Variants in ASMTL observed in about 807,000 individuals in gnomAD.
ASMTL encodes acetylserotonin O-methyltransferase like.
In ASMTL, 57 loss-of-function variants were observed where a neutral mutation model predicts 60.3. That is an observed-to-expected ratio of 0.95 (90% CI 0.76 to 1.18). The LOEUF (loss-of-function observed/expected upper bound fraction) is 1.18, where lower values mean the gene tolerates loss of function less well. Ranked by LOEUF, ASMTL falls within the 50% of genes most tolerant of loss-of-function variation. The pLI, the probability that ASMTL is intolerant of heterozygous loss-of-function variation, is 0.00. For missense variants in ASMTL, 981 were observed against 852.6 expected (o/e 1.15, Z -1.88); for synonymous variants, 419 against 373.0 (o/e 1.12, Z -1.42).
chrX:1,435,693 C>T lies in ASMTL; in HGVS notation c.338+1G>A. 6.2e-7 allele frequency: 1 copy of T among 1,613,592 alleles called. No individual in the cohort carries two copies. Among genetic ancestry groups the T allele is most frequent in the Non-Finnish European group, 8.5e-7 (1 of 1,179,820 alleles). ...GGCTCAGAGGCCAACATGGTGCTTA[C>T]CGGGACAGCATCCTGTAGGCGTCCT... is the stretch of plus-strand genomic sequence containing the variant. On this transcript the variant is annotated splice_donor_variant, in intron 4 of 12. Coordinates refer to ENST00000381317, the MANE Select transcript of ASMTL (RefSeq NM_004192.4). LOFTEE classifies it high-confidence loss of function.
chrX:1,428,204 T>C (rs1365203936), intron 6 of ASMTL, 83 bp from the exon 7 acceptor site: 47 of 1,489,982 alleles, frequency 3.2e-5, no homozygotes, highest in Non-Finnish European at 4.0e-5. Flanking sequence ...GAGGCGGAGG[T>C]GGGTGGATCA....
chrX:1,439,298 A>T (rs1421969846), intron 2 of ASMTL, 154 bp from the exon 3 acceptor site: 3 of 213,956 alleles, frequency 1.4e-5, no homozygotes, highest in Non-Finnish European at 2.4e-5. Flanking sequence ...ACGAGCAAGG[A>T]CACAAGTGGG....
At chrX:1,407,579 C>G (rs1410244993) in intron 12 of ASMTL, among the ~76,000 whole-genome samples, 2 of 151,932 alleles carry the variant, frequency 1.3e-5, no homozygotes, top group Admixed American at 6.6e-5. Flanking sequence ...AGACAGATGA[C>G]AGGTGACGGA....
chrX:1,421,791 T>C lies in ASMTL; in HGVS notation c.1112A>G (p.Tyr371Cys). 9.3e-6 allele frequency: 15 copies of C among 1,613,518 alleles called. No homozygotes were observed. Among genetic ancestry groups the C allele is most frequent in the Non-Finnish European group, 1.3e-5 (15 of 1,179,754 alleles). Residue 371 changes from tyrosine (Y) to cysteine (C), a missense_variant, in exon 9 of 13, where the codon TAC (tyrosine) becomes TGC (cysteine). By Grantham distance (194) the Tyr-to-Cys change is radical. Transcript: ENST00000381317. ...ANVYLASDGE[Y>C]SLHGFIMHNN... The stretch of plus-strand genomic sequence containing the variant: ...GTGCATGATGAAGCCGTGCAGAGAG[T>C]ATTCGCCATCCGATGCCAGGTAGAC...
In ASMTL at chrX:1,410,496, C is replaced by A. The variant is rs373396937; in HGVS notation, c.1645+2236G>T. 4.1e-4 allele frequency among the ~76,000 whole-genome samples: 63 copies of A among 152,008 alleles called. 1 individual carries two copies. The highest frequency in any genetic ancestry group is 1.3e-3 in the African/African-American group (55 of 41,480). ...GTGGCGCGATCTCTGCTCACTGCAA[C>A]CTTCGCCTCCCAGGTTCAAGTGATG... On this transcript the variant is annotated intron_variant, in intron 12 of 12. Coordinates refer to ENST00000381317, the MANE Select transcript of ASMTL (RefSeq NM_004192.4).
At chrX:1,448,330 C>G (rs1324323256) in intron 1 of ASMTL, among the ~76,000 whole-genome samples, 2 of 151,134 alleles carry the variant, frequency 1.3e-5, no homozygotes, top group Non-Finnish European at 2.9e-5. Flanking sequence ...CACACACCAT[C>G]TGGGACACAC....
intron 1 of ASMTL, among the ~76,000 whole-genome samples, chrX:1,450,362 C>T (rs2091329759): frequency 6.6e-6 from 1 of 151,852 alleles, no homozygotes; most frequent in Non-Finnish European, 1.5e-5. Context: ...AGGGCCCACT[C>T]CATCCCTAGA....
intron 5 of ASMTL, 108 bp from the exon 6 acceptor site, chrX:1,432,485 A>G (rs763089775): frequency 8.9e-6 from 7 of 783,402 alleles, no homozygotes; most frequent in African/African-American, 8.5e-5. Flanking sequence ...CGCAGCGCAC[A>G]GTTCAGATAT....
At chrX:1,436,637 C>G (rs1391018766) in intron 3 of ASMTL, among the ~76,000 whole-genome samples, 3 of 152,198 alleles carry the variant, frequency 2.0e-5, no homozygotes, top group Non-Finnish European at 4.4e-5. Flanking sequence ...CAGGGGTGAG[C>G]CACCGCACCC....
chrX:1,417,350 C>T (rs2090326022), intron 11 of ASMTL, among the ~76,000 whole-genome samples: 1 of 151,870 alleles, frequency 6.6e-6, no homozygotes, highest in South Asian at 2.1e-4. Context: ...CACGGATGCA[C>T]ACACATCACC....
rs751995475 is a variant in ASMTL at position 1,432,210 on chromosome X, G to C, written c.509+59C>G. 21 of 1,390,850 alleles carry C rather than the reference G, an allele frequency of 1.5e-5. No individual in the cohort carries two copies. The South Asian group carries it at 2.5e-4, about 17-fold the overall frequency. The allele number at this position is 1,390,850 out of a possible 1,614,324, so 86.2% of individuals were successfully genotyped here. ...AAAGGCTGGGTGGGACACCCCACGT[G>C]TGAGGGTGGCCAGGCTTCCACACGT... On this transcript the variant is annotated intron_variant, in intron 6 of 12. Transcript: ENST00000381317.
intron 3 of ASMTL, among the ~76,000 whole-genome samples, chrX:1,437,758 G>A (rs1159928262): frequency 6.6e-6 from 1 of 151,184 alleles, no homozygotes; most frequent in Non-Finnish European, 1.5e-5. Context: ...TTAGCCACAC[G>A]TGGTCGCGCG....
At chrX:1,430,856 A>G (rs1372079254) in intron 6 of ASMTL, among the ~76,000 whole-genome samples, 1 of 144,770 alleles carries the variant, frequency 6.9e-6, no homozygotes, top group Non-Finnish European at 1.5e-5. Flanking sequence ...ATATTTATAT[A>G]TTTATATACT....
At chrX:1,406,918 G>A (rs2089874041) in intron 12 of ASMTL, among the ~76,000 whole-genome samples, 1 of 149,670 alleles carries the variant, frequency 6.7e-6, no homozygotes, top group South Asian at 2.1e-4. Context: ...ATAGATAGAT[G>A]AATAGATGGA....
At chrX:1,453,192 C>T (rs1302052677), upstream of ASMTL, among the ~76,000 whole-genome samples, 5 of 150,462 alleles carry the variant, frequency 3.3e-5, no homozygotes, top group Admixed American at 6.6e-5. Flanking sequence ...ACCTCCATTG[C>T]CCTCTCCGCC....
At chrX:1,404,106 T>C (rs1335021385) in intron 12 of ASMTL, among the ~76,000 whole-genome samples, 1 of 151,298 alleles carries the variant, frequency 6.6e-6, no homozygotes, top group Non-Finnish European at 1.5e-5. Flanking sequence ...GGAAGATGAA[T>C]AGATGGGTGC....
chrX:1,444,702 T>C (rs1400232476), intron 1 of ASMTL, among the ~76,000 whole-genome samples: 1 of 152,036 alleles, frequency 6.6e-6, no homozygotes, highest in African/African-American at 2.4e-5. Context: ...CCTCTTTGAG[T>C]GTTGGGAGTG....
Position 1,427,998 on chromosome X carries a change from G to A in ASMTL, c.633C>T (p.Leu211=). The change falls in exon 7 of 13, where the codon CTC becomes CTT. Residue 211 remains leucine (L), a synonymous_variant. Coordinates refer to ENST00000381317, the MANE Select transcript of ASMTL (RefSeq NM_004192.4). ...GGTCCTCCGGACGGGGCGGGTAGTA[G>A]AGCTTCACCAGCTGCTTGCAGAAGT... ...LNHFCKQLVK[L]YYPPRPEDLR... 1 of 1,613,598 alleles carries A rather than the reference G, an allele frequency of 6.2e-7. No individual in the cohort carries two copies. Among genetic ancestry groups the A allele is most frequent in the South Asian group, 1.1e-5 (1 of 91,038 alleles).
At chrX:1,446,875 C>A (rs1303272145) in intron 1 of ASMTL, among the ~76,000 whole-genome samples, 6 of 152,160 alleles carry the variant, frequency 3.9e-5, no homozygotes. Context: ...TTACCCCTGT[C>A]GTGAAATTCT....
Sources: allele counts gnomAD v4.1 joint callset (sites outside exome capture counted in the v4.1 genomes callset), GRCh38; gene constraint gnomAD v4.1.1; transcripts MANE v1.5; gene names NCBI Gene and HGNC (gene_info 2026-07-23, HGNC 2026-07-21).